The following CALCOCO2 variants were observed in gnomAD, a reference collection of about 807,000 sequenced individuals.
The protein encoded by CALCOCO2 is calcium-binding and coiled-coil domain-containing protein 2.
A neutral mutation model predicts 62.5 loss-of-function variants in CALCOCO2; 42 were observed. That is an observed-to-expected ratio of 0.67 (90% CI 0.53 to 0.87). The LOEUF (loss-of-function observed/expected upper bound fraction) is 0.87, where lower values mean the gene tolerates loss of function less well. Ranked by LOEUF, CALCOCO2 falls within the 40% of genes least tolerant of loss-of-function variation. CALCOCO2 has a pLI of 0.00. For synonymous variants in CALCOCO2, 167 were observed against 173.0 expected (o/e 0.97, Z 0.27); for missense variants, 456 against 515.0 (o/e 0.89, Z 1.11).
chr17:48,848,491 A>G, intron 4 of CALCOCO2, 36 bp downstream of exon 4: 4 of 1,594,166 alleles, frequency 2.5e-6, no homozygotes, highest in Non-Finnish European at 3.4e-6. Context: ...CCTTACTGCC[A>G]TTACGGGTAG....
rs568243273 is a variant in CALCOCO2 at position 48,860,387 on chromosome 17, C to T, written c.1082C>T (p.Pro361Leu). The T allele has an allele frequency of 9.3e-6, 15 of 1,613,548 alleles. No homozygotes were observed. The highest frequency in any genetic ancestry group is 1.3e-5 in the Non-Finnish European group (15 of 1,179,466). Residue 361 changes from proline to leucine, a missense_variant, in exon 11 of 13, where the codon CCT becomes CTT. Coordinates refer to ENST00000258947, the MANE Select transcript of CALCOCO2 (RefSeq NM_005831.5). The part of the protein sequence containing the change: ...LDFNSLPYQV[P>L]TSDEGGARQN... ...TTTAATTCTTTGCCGTATCAAGTAC[C>T]TACTTCAGATGAAGGAGGCGCAAGA...
At chr17:48,852,783 T>C in intron 8 of CALCOCO2, 143 bp from the exon 9 acceptor site, 3 of 979,272 alleles carry the variant, frequency 3.1e-6, no homozygotes, top group Non-Finnish European at 1.6e-6. Flanking sequence ...AGATAGCTCA[T>C]GGCTTTCTTC....
intron 12 of CALCOCO2, 104 bp from the exon 13 acceptor site, chr17:48,862,734 C>A: frequency 1.1e-6 from 1 of 871,332 alleles, no homozygotes; most frequent in Non-Finnish European, 1.9e-6. Context: ...TAACCATGTG[C>A]CAGTCATTAT....
chr17:48,843,499 T>C (rs2040003755), intron 2 of CALCOCO2, among the ~76,000 whole-genome samples: 1 of 152,202 alleles, frequency 6.6e-6, no homozygotes, highest in Non-Finnish European at 1.5e-5. Context: ...TATCCTTCAT[T>C]GAATTCCTTT....
At chr17:48,843,886 T>A (rs923391220) in intron 2 of CALCOCO2, 6 of 152,156 alleles carry the variant, frequency 3.9e-5, no homozygotes, top group African/African-American at 1.4e-4. Flanking sequence ...TTAATTTAAT[T>A]TAATTTATTT....
intron 2 of CALCOCO2, among the ~76,000 whole-genome samples, chr17:48,847,559 T>C (rs2040068729): frequency 6.6e-6 from 1 of 152,206 alleles, no homozygotes; most frequent in African/African-American, 2.4e-5. Flanking sequence ...CATTTTCCCA[T>C]ATGTATTTGT....
At chr17:48,850,825 C>T (rs1301580340) in intron 5 of CALCOCO2, among the ~76,000 whole-genome samples, 1 of 149,058 alleles carries the variant, frequency 6.7e-6, no homozygotes, top group Non-Finnish European at 1.5e-5. Flanking sequence ...GGCTGAGGCA[C>T]AACAATTGCG....
intron 7 of CALCOCO2, 29 bp downstream of exon 7, chr17:48,851,657 A>G: frequency 7.5e-7 from 1 of 1,336,994 alleles, no homozygotes; most frequent in East Asian, 2.3e-5. Context: ...TTGTCAAAGG[A>G]TATTTTCTTA....
intron 2 of CALCOCO2, chr17:48,842,515 G>A (rs2039989150): frequency 6.6e-6 from 1 of 152,152 alleles, no homozygotes; most frequent in Admixed American, 6.6e-5. Flanking sequence ...ATAGAGTCTT[G>A]CTCTGTCTCT....
At chr17:48,842,072 A>T in intron 2 of CALCOCO2, 185 bp downstream of exon 2, 1 of 383,580 alleles carries the variant, frequency 2.6e-6, no homozygotes, top group East Asian at 3.8e-5. Context: ...TCAAATTTTC[A>T]TTTCAGTGTC....
chr17:48,856,044 C>G lies in CALCOCO2; in HGVS notation c.913-48C>G, dbSNP rs1336646405. ...TCTCTACAATTTCTCACCTTGTACC[C>G]AGACTGCAATATGTGATCCTAATCC... On this transcript the variant is annotated intron_variant, in intron 9 of 12. Transcript: ENST00000258947. 12 of 937,556 alleles carry G rather than the reference C, an allele frequency of 1.3e-5. 1 individual carries two copies. In the South Asian group the frequency reaches 1.7e-4, roughly 13 times the overall value. 58.1% of individuals were successfully genotyped at this position (937,556 alleles called of 1,614,324 possible). A position where few individuals can be genotyped will look rare whatever the true frequency, so the allele number is the denominator to read the frequency against.
chr17:48,862,401 T>C (rs1338448198), intron 12 of CALCOCO2, 97 bp downstream of exon 12: 5 of 870,226 alleles, frequency 5.7e-6, no homozygotes, highest in South Asian at 1.3e-5. Flanking sequence ...CAGGTTCATT[T>C]TGATAACTCC....
chr17:48,851,801 C>T (rs2040134728), intron 7 of CALCOCO2, 173 bp downstream of exon 7: 1 of 555,984 alleles, frequency 1.8e-6, no homozygotes, highest in Non-Finnish European at 3.3e-6. Context: ...AGGTAAGCCT[C>T]CACCCTACCC....
Position 48,858,053 on chromosome 17 carries a change from A to G in CALCOCO2, c.1008+1866A>G, listed in dbSNP as rs529837090. Among the ~76,000 whole-genome samples the G allele has an allele frequency of 3.6e-4, 51 of 141,316 alleles. 1 individual carries two copies. The highest frequency in any genetic ancestry group is 1.3e-3 in the Admixed American group (18 of 14,054). 92.7% of individuals were successfully genotyped at this position (141,316 alleles called of 152,430 possible). ...AGAATAGAATAGAATAGAAAATAGA[A>G]TAGAATAGAATAGAATAGAATTTTA... On this transcript the variant is annotated intron_variant, in intron 10 of 12. Coordinates refer to ENST00000258947, the MANE Select transcript of CALCOCO2 (RefSeq NM_005831.5).
intron 1 of CALCOCO2, among the ~76,000 whole-genome samples, chr17:48,834,344 A>T (rs1391754331): frequency 1.3e-5 from 2 of 152,154 alleles, no homozygotes; most frequent in East Asian, 3.9e-4. Flanking sequence ...GAGGGCCCTA[A>T]TCCTTTTGGA....
intron 10 of CALCOCO2, among the ~76,000 whole-genome samples, chr17:48,859,282 A>G (rs2040291965): frequency 6.6e-6 from 1 of 152,102 alleles, no homozygotes; most frequent in Non-Finnish European, 1.5e-5. Context: ...TTTTAGGTGA[A>G]TATTTGCATT....
chr17:48,853,075 T>C, intron 9 of CALCOCO2, 63 bp downstream of exon 9: 1 of 1,106,614 alleles, frequency 9.0e-7, no homozygotes, highest in Non-Finnish European at 1.4e-6. Context: ...GAAAAGGATA[T>C]GGGCCTATTT....
At chr17:48,853,244 C>T in intron 9 of CALCOCO2, 1 of 456,580 alleles carries the variant, frequency 2.2e-6, no homozygotes, top group Admixed American at 3.4e-5. Context: ...AACTTCATGA[C>T]AAGATGTAGT....
In CALCOCO2 at chr17:48,860,407, G is replaced by T. The variant is rs764650096; in HGVS notation, c.1102G>T (p.Ala368Ser). Reference protein sequence around the residue: ...YQVPTSDEGGARQNPGLAYGN... With the variant: ...YQVPTSDEGGSRQNPGLAYGN... ...AGTACCTACTTCAGATGAAGGAGGC[G>T]CAAGACAAAATCCAGGACTTGCCTA... The change falls in exon 11 of 13, where the codon GCA becomes TCA. Residue 368 changes from alanine (A) to serine (S), a missense_variant. By Grantham distance (99) the Ala-to-Ser change is moderately conservative. Around this residue, in one of 3 missense-constraint regions of CALCOCO2, gnomAD observed 172 missense variants for 210.3 expected, o/e 0.82. Transcript: ENST00000258947. 6.2e-7 allele frequency: 1 copy of T among 1,613,792 alleles called. No homozygotes were observed. The highest frequency in any genetic ancestry group is 8.5e-7 in the Non-Finnish European group (1 of 1,179,810).
Sources: gnomAD v4.1 joint callset for allele counts (sites outside exome capture counted in the v4.1 genomes callset) on GRCh38, gnomAD v4.1.1 for gene constraint, gnomAD v4.1.1 regional missense constraint, MANE v1.5 for transcripts, NCBI Gene and HGNC (gene_info 2026-07-23, HGNC 2026-07-21) for gene names.